DNAJC3: variants seen among roughly 807,000 people sequenced by gnomAD.
The protein encoded by DNAJC3 is dnaJ homolog subfamily C member 3.
Under a neutral mutation model 68.6 loss-of-function variants are expected in DNAJC3, and 38 were observed. The observed-to-expected ratio is 0.55, with a 90% CI of 0.43 to 0.73. The LOEUF (loss-of-function observed/expected upper bound fraction) is 0.73. Among genes scored for constraint, DNAJC3 ranks in the 30% least tolerant of loss-of-function variants. The pLI is 0.00. For missense variants in DNAJC3, 526 were observed against 591.9 expected (o/e 0.89, Z 1.16); for synonymous variants, 203 against 204.0 (o/e 1.00, Z 0.04).
Position 95,787,124 on chromosome 13 carries a change from A to G in DNAJC3, c.1326A>G (p.Ile442Met). 6.2e-7 allele frequency: 1 copy of G among 1,613,114 alleles called. No individual in the cohort carries two copies. Among genetic ancestry groups the G allele is most frequent in the Non-Finnish European group, 8.5e-7 (1 of 1,179,810 alleles). ...KKKAEKKFID[I>M]AAAKEVLSDP... ...AAGCTGAGAAAAAGTTCATTGATATAGCAGCTGCTAAAGAAGTCCTCTCTG... is the reference window on the plus strand; with the variant it reads ...AAGCTGAGAAAAAGTTCATTGATATGGCAGCTGCTAAAGAAGTCCTCTCTG... Residue 442 changes from isoleucine to methionine, a missense_variant, in exon 11 of 12, where the codon ATA becomes ATG. Physicochemically the swap from Ile to Met is conservative, Grantham distance 10. Coordinates refer to ENST00000602402, the MANE Select transcript of DNAJC3 (RefSeq NM_006260.5).
chr13:95,722,139 C>T (rs2139639619), intron 2 of DNAJC3, among the ~76,000 whole-genome samples: 2 of 152,248 alleles, frequency 1.3e-5, no homozygotes, highest in East Asian at 1.9e-4. Flanking sequence ...TGACTGAATC[C>T]ACTCTTTTCT....
chr13:95,730,806 A>G lies in DNAJC3; in HGVS notation c.393+5554A>G, dbSNP rs189343190. Among the ~76,000 whole-genome samples, 5 of 152,274 alleles carry G rather than the reference A, an allele frequency of 3.3e-5. No homozygotes were observed. In the East Asian group the frequency reaches 7.7e-4, roughly 24 times the overall value. ...GCTATTCAGGCTCTGTTTTGGTTTC[A>G]TATGAATTGTATGATTGTTTTTTCT... is the stretch of plus-strand genomic sequence containing the variant. On this transcript the variant is annotated intron_variant, in intron 4 of 11. Coordinates refer to ENST00000602402, the MANE Select transcript of DNAJC3 (RefSeq NM_006260.5).
intron 2 of DNAJC3, among the ~76,000 whole-genome samples, chr13:95,710,555 A>T (rs1476976852): frequency 6.6e-6 from 1 of 152,024 alleles, no homozygotes. Flanking sequence ...AGTCACTGCT[A>T]AACTTTTGTA....
intron 2 of DNAJC3, among the ~76,000 whole-genome samples, chr13:95,716,937 G>T (rs933299457): frequency 6.6e-6 from 1 of 152,160 alleles, no homozygotes; most frequent in Non-Finnish European, 1.5e-5. Flanking sequence ...AGGCCCAAGG[G>T]TGCAGCCCTA....
At chr13:95,704,300 AC>A (rs1197389905) in intron 1 of DNAJC3, among the ~76,000 whole-genome samples, 1 of 152,224 alleles carries the variant, frequency 6.6e-6, no homozygotes, top group Non-Finnish European at 1.5e-5. Flanking sequence ...GCCTGCTTCT[AC>A]TTTTTGATTC....
chr13:95,765,472 AACTTGAATGTTAAACTG>A (rs1292886267), intron 9 of DNAJC3, among the ~76,000 whole-genome samples: 1 of 151,524 alleles, frequency 6.6e-6, no homozygotes, highest in Non-Finnish European at 1.5e-5. Context: ...ATGCATTTGG[AACTTGAATGTTAAACTG>A]ACTTGCTTTT....
chr13:95,694,790 C>T (rs528829543), intron 1 of DNAJC3: 1 of 152,738 alleles, frequency 6.5e-6, no homozygotes, highest in East Asian at 1.9e-4. Context: ...GAGTTGTAAA[C>T]TACGGCAGAA....
chr13:95,697,426 A>G (rs895215987), intron 1 of DNAJC3, among the ~76,000 whole-genome samples: 5 of 152,106 alleles, frequency 3.3e-5, no homozygotes, highest in African/African-American at 1.2e-4. Flanking sequence ...CCCTTTGTCA[A>G]TGATTTGACA....
rs1879778817 is a variant in DNAJC3, at chr13:95,677,263, C to T, written c.8C>T (p.Ala3Val). The change falls in exon 1 of 12, where the codon GCC becomes GTC. Residue 3 changes from alanine to valine, a missense_variant. Transcript: ENST00000602402. ...ACTCGCGAGCCCTCGGACATGGTGG[C>T]CCCCGGCTCCGTGACCAGCCGGCTG... is the stretch of plus-strand genomic sequence containing the variant. MVAPGSVTSRLGS... is the reference protein window; with the variant it reads MVVPGSVTSRLGS... 2 of 1,602,440 alleles carry T rather than the reference C, an allele frequency of 1.2e-6. No individual in the cohort carries two copies. The highest frequency in any genetic ancestry group is 1.7e-6 in the Non-Finnish European group (2 of 1,175,524).
intron 9 of DNAJC3, among the ~76,000 whole-genome samples, chr13:95,782,489 C>T (rs891247865): frequency 5.3e-5 from 8 of 152,140 alleles, no homozygotes; most frequent in Admixed American, 3.9e-4. Context: ...GTTTAATGAT[C>T]GCCATTCTAA....
At chr13:95,744,952 A>G (rs748648029) in intron 4 of DNAJC3, 2 of 152,250 alleles carry the variant, frequency 1.3e-5, no homozygotes, top group African/African-American at 2.4e-5. Context: ...TTTCAGTCAT[A>G]TAATATGTTG....
intron 4 of DNAJC3, among the ~76,000 whole-genome samples, chr13:95,729,709 G>A (rs1364968356): frequency 6.6e-6 from 1 of 152,028 alleles, no homozygotes; most frequent in Non-Finnish European, 1.5e-5. Context: ...TTCTAACTGG[G>A]TGAGGTGTTC....
chr13:95,687,537 G>A (rs1173138163), intron 1 of DNAJC3, among the ~76,000 whole-genome samples: 6 of 152,078 alleles, frequency 3.9e-5, no homozygotes, highest in Non-Finnish European at 8.8e-5. Context: ...GTTGAGGTAT[G>A]TTTCCTGTAT....
chr13:95,702,150 G>A (rs190163716), intron 1 of DNAJC3, among the ~76,000 whole-genome samples: 3 of 152,270 alleles, frequency 2.0e-5, no homozygotes, highest in African/African-American at 7.2e-5. Flanking sequence ...CATATTTTAA[G>A]TGTGTATTTG....
At chr13:95,776,708 G>A (rs1883301882) in intron 9 of DNAJC3, among the ~76,000 whole-genome samples, 5 of 152,146 alleles carry the variant, frequency 3.3e-5, no homozygotes, top group Admixed American at 2.0e-4. Context: ...CCTACTGTGA[G>A]GGAAAATTTA....
chr13:95,697,849 T>C (rs115156189), intron 1 of DNAJC3, among the ~76,000 whole-genome samples: 1,913 of 149,054 alleles, frequency 0.013, 41 homozygotes, highest in African/African-American at 0.046. Flanking sequence ...ATTGCTTTTC[T>C]GGTTATTTTT....
chr13:95,709,616 T>C (rs563193194), intron 2 of DNAJC3, among the ~76,000 whole-genome samples: 104 of 151,836 alleles, frequency 6.8e-4, no homozygotes, highest in Non-Finnish European at 1.2e-3. Context: ...CAGTGTATTA[T>C]TTGGCTTCTG....
intron 9 of DNAJC3, among the ~76,000 whole-genome samples, chr13:95,784,933 G>T (rs911883062): frequency 6.6e-6 from 1 of 152,162 alleles, no homozygotes; most frequent in Non-Finnish European, 1.5e-5. Context: ...CAAAGTGACA[G>T]AGACCCTGTC....
intron 8 of DNAJC3, 36 bp from the exon 9 acceptor site, chr13:95,763,797 A>G: frequency 6.2e-7 from 1 of 1,613,962 alleles, no homozygotes; most frequent in Non-Finnish European, 8.5e-7. Flanking sequence ...CATGTGGAAT[A>G]CCAACCATAA....
Sources: allele counts gnomAD v4.1 joint callset (sites outside exome capture counted in the v4.1 genomes callset), GRCh38; gene constraint gnomAD v4.1.1; transcripts MANE v1.5; gene names NCBI Gene and HGNC (gene_info 2026-07-23, HGNC 2026-07-21).